BCL7C: variants seen among roughly 807,000 people sequenced by gnomAD.
BCL7C encodes the protein BAF chromatin remodeling complex subunit BCL7C.
In BCL7C, 8 loss-of-function variants were observed where a neutral mutation model predicts 26.2. The observed-to-expected ratio is 0.30, with a 90% CI of 0.18 to 0.55. The LOEUF is 0.55. Ranked by LOEUF, BCL7C falls within the 20% of genes least tolerant of loss-of-function variation. The pLI is 0.93. For missense variants in BCL7C, 262 were observed against 298.5 expected, an observed-to-expected ratio of 0.88 and a Z score of 0.90; for synonymous variants, 90 against 116.5, an observed-to-expected ratio of 0.77 and a Z score of 1.47.
intron 5 of BCL7C, among the ~76,000 whole-genome samples, chr16:30,859,635 C>A (rs2054752990): frequency 6.7e-6 from 1 of 149,112 alleles, no homozygotes; most frequent in South Asian, 2.2e-4. Context: ...CCCCCCTCCC[C>A]ACCTTTAAGA....
At chr16:30,835,610 C>G (rs2151357766) in intron 5 of BCL7C, among the ~76,000 whole-genome samples, 1 of 151,304 alleles carries the variant, frequency 6.6e-6, no homozygotes, top group South Asian at 2.1e-4. Flanking sequence ...CTTTGGGAGG[C>G]CGAGGTGGGT....
chr16:30,892,484 G>T (rs1391192268), intron 4 of BCL7C, 102 bp downstream of exon 4: 3 of 1,222,066 alleles, frequency 2.5e-6, no homozygotes, highest in Non-Finnish European at 3.4e-6. Context: ...CCTTGAGGAG[G>T]GTGCACAAGA....
intron 5 of BCL7C, among the ~76,000 whole-genome samples, chr16:30,873,940 T>G (rs2054906394): frequency 1.2e-5 from 1 of 82,412 alleles, no homozygotes; most frequent in South Asian, 6.3e-4. Flanking sequence ...TACATATATA[T>G]ATAGATATAT....
chr16:30,837,083 C>T (rs1036972936), intron 5 of BCL7C, among the ~76,000 whole-genome samples: 36 of 152,012 alleles, frequency 2.4e-4, no homozygotes, highest in African/African-American at 8.7e-4. Flanking sequence ...CATGAGCCAC[C>T]GCGCCCGGCC....
chr16:30,888,970 C>G, intron 4 of BCL7C, 25 bp from the exon 5 acceptor site: 1 of 1,609,128 alleles, frequency 6.2e-7, no homozygotes, highest in Non-Finnish European at 8.5e-7. Context: ...TAACAAACAT[C>G]CCCTGAACAG....
chr16:30,888,368 G>A (rs1260546126), intron 5 of BCL7C, among the ~76,000 whole-genome samples: 3 of 151,932 alleles, frequency 2.0e-5, no homozygotes, highest in Admixed American at 6.6e-5. Flanking sequence ...AAGGAGTCTC[G>A]CTCTGTCACC....
intron 5 of BCL7C, among the ~76,000 whole-genome samples, chr16:30,864,753 C>T (rs540740916): frequency 2.8e-4 from 42 of 152,286 alleles, no homozygotes; most frequent in African/African-American, 9.6e-4. Flanking sequence ...TGAAGATCCA[C>T]AAGTGAAAAT....
intron 5 of BCL7C, among the ~76,000 whole-genome samples, chr16:30,879,496 AAG>A (rs1051181015): frequency 1.3e-5 from 2 of 151,856 alleles, no homozygotes; most frequent in Non-Finnish European, 2.9e-5. Context: ...ACAGATGCAA[AAG>A]AGTTACATAC....
At chr16:30,875,461 C>T (rs111799366) in intron 5 of BCL7C, 74 of 152,442 alleles carry the variant, frequency 4.9e-4, no homozygotes, top group African/African-American at 1.6e-3. Flanking sequence ...CGCCGCCGGC[C>T]TTTGTCTCCG....
intron 5 of BCL7C, among the ~76,000 whole-genome samples, chr16:30,875,019 C>T (rs1002039900): frequency 1.3e-5 from 2 of 152,296 alleles, no homozygotes; most frequent in East Asian, 1.9e-4. Flanking sequence ...GGGGTTGCAG[C>T]GTAACGCCCT....
downstream of BCL7C, among the ~76,000 whole-genome samples, chr16:30,883,808 C>T (rs1312952215): frequency 2.7e-5 from 4 of 148,352 alleles, no homozygotes; most frequent in Non-Finnish European, 3.0e-5. Context: ...TGAGCCACCA[C>T]GCCAGGCCCA....
chr16:30,893,867 C>A lies in BCL7C; in HGVS notation c.78G>T (p.Glu26Asp). The change falls in exon 1 of 6, where the codon GAG becomes GAT. Residue 26 changes from glutamate to aspartate, a missense_variant. Transcript: ENST00000215115. The surrounding 1 kb of genome is among the most constrained non-coding windows in gnomAD (Gnocchi z 5.2). ...GCAGCGCTCACCATCTCCGGACCTT[C>A]TCGATGGTCGCCATCACCTTCTTGA... Reference protein sequence around the residue: ...DDIKKVMATIEKVRRWEKRWV... With the variant: ...DDIKKVMATIDKVRRWEKRWV... 6.2e-7 allele frequency: 1 copy of A among 1,602,524 alleles called. No individual in the cohort carries two copies.
At chr16:30,869,542 C>T (rs373223590) in intron 5 of BCL7C, among the ~76,000 whole-genome samples, 9 of 145,110 alleles carry the variant, frequency 6.2e-5, no homozygotes, top group African/African-American at 1.5e-4. Flanking sequence ...GACGGGGTCT[C>T]GCTCTGTTGC....
chr16:30,863,058 C>T (rs367978043), intron 5 of BCL7C, among the ~76,000 whole-genome samples: 7 of 151,886 alleles, frequency 4.6e-5, no homozygotes, highest in African/African-American at 1.7e-4. Flanking sequence ...TAGGCTGGCC[C>T]CCCCACATTA....
chr16:30,844,693 C>T (rs1352321502), intron 5 of BCL7C, among the ~76,000 whole-genome samples: 1 of 152,136 alleles, frequency 6.6e-6, no homozygotes, highest in Non-Finnish European at 1.5e-5. Context: ...TCACTTAGGC[C>T]TTCCTGTCAT....
chr16:30,839,352 G>A (rs2151359089), intron 5 of BCL7C, among the ~76,000 whole-genome samples: 1 of 152,280 alleles, frequency 6.6e-6, no homozygotes, highest in African/African-American at 2.4e-5. Flanking sequence ...GGGATTCCCT[G>A]GTGTGACAGA....
intron 5 of BCL7C, among the ~76,000 whole-genome samples, chr16:30,856,014 A>G (rs1425137218): frequency 6.7e-6 from 1 of 149,154 alleles, no homozygotes; most frequent in African/African-American, 2.5e-5. Context: ...TTGAGCCAAG[A>G]TTGCACCATT....
chr16:30,889,095 C>T, intron 4 of BCL7C, 150 bp from the exon 5 acceptor site: 1 of 705,968 alleles, frequency 1.4e-6, no homozygotes, highest in Non-Finnish European at 2.4e-6. Context: ...GGCTGTGCCC[C>T]AGGAAGCAGA....
At chr16:30,885,558 T>C (rs1345385907), downstream of BCL7C, among the ~76,000 whole-genome samples, 2 of 151,978 alleles carry the variant, frequency 1.3e-5, no homozygotes, top group African/African-American at 4.8e-5. Context: ...CGCCCGCCAC[T>C]ATGCCCAGCC....
Sources: allele counts gnomAD v4.1 joint callset (sites outside exome capture counted in the v4.1 genomes callset), GRCh38; gene constraint gnomAD v4.1.1; non-coding constraint Gnocchi (gnomAD v3.1); transcripts MANE v1.5; gene names NCBI Gene and HGNC (gene_info 2026-07-23, HGNC 2026-07-21).